The following CSMD3 variants were observed in gnomAD, a reference collection of about 807,000 sequenced individuals.
CSMD3 encodes the protein CUB and sushi domain-containing protein 3.
In CSMD3, 177 loss-of-function variants were observed where a neutral mutation model predicts 435.2. The ratio of observed to expected loss-of-function variants is 0.41; its 90% CI spans 0.36 to 0.46. The LOEUF is 0.46. Among genes scored for constraint, CSMD3 ranks in the 20% least tolerant of loss-of-function variants. The probability of loss-of-function intolerance (pLI) is 0.34; values close to 1 mark genes in which losing one functional copy is unlikely to be tolerated. For synonymous variants in CSMD3, 1,656 were observed against 1,520.5 expected (o/e 1.09, Z -2.07); for missense variants, 4,265 against 4,504.6 (o/e 0.95, Z 1.52).
chr8:113,173,946 C>G (rs189984821), intron 3 of CSMD3, 30 bp from the exon 4 acceptor site: 1 of 1,490,234 alleles, frequency 6.7e-7, no homozygotes, highest in East Asian at 2.3e-5. Context: ...GGAGAGTTTA[C>G]AGTTATTTCA....
intron 30 of CSMD3, among the ~76,000 whole-genome samples, chr8:112,497,464 T>C (rs903767070): frequency 7.4e-6 from 1 of 135,506 alleles, no homozygotes; most frequent in Admixed American, 7.5e-5. Flanking sequence ...TATCAAAATA[T>C]CTCATGTACT....
intron 22 of CSMD3, among the ~76,000 whole-genome samples, chr8:112,630,397 A>C (rs2074481954): frequency 6.6e-6 from 1 of 152,170 alleles, no homozygotes; most frequent in Non-Finnish European, 1.5e-5. Flanking sequence ...AGTAGGTTTT[A>C]AGCTTTTTAT....
chr8:112,325,114 C>T (rs145382184), intron 45 of CSMD3, among the ~76,000 whole-genome samples: 88 of 152,124 alleles, frequency 5.8e-4, no homozygotes, highest in East Asian at 2.5e-3. Flanking sequence ...AGGCATGTGG[C>T]CTATCATTCT....
At chr8:112,996,617 T>C (rs1454331655) in intron 6 of CSMD3, among the ~76,000 whole-genome samples, 2 of 151,636 alleles carry the variant, frequency 1.3e-5, no homozygotes, top group African/African-American at 4.8e-5. Flanking sequence ...CACTTAGATA[T>C]TTTGAAGAGA....
chr8:112,593,372 G>A (rs1236333151), intron 22 of CSMD3, among the ~76,000 whole-genome samples: 3 of 152,102 alleles, frequency 2.0e-5, no homozygotes, highest in Non-Finnish European at 4.4e-5. Flanking sequence ...TGGAGGAAGA[G>A]GAGATGCCAA....
intron 36 of CSMD3, among the ~76,000 whole-genome samples, chr8:112,385,755 T>G (rs550693879): frequency 6.6e-6 from 1 of 152,158 alleles, no homozygotes; most frequent in Non-Finnish European, 1.5e-5. Flanking sequence ...AATAATTTAT[T>G]TTCTTTTCTG....
chr8:113,220,838 T>G (rs1007025071), intron 3 of CSMD3, among the ~76,000 whole-genome samples: 1 of 151,550 alleles, frequency 6.6e-6, no homozygotes, highest in East Asian at 1.9e-4. Flanking sequence ...CTAAGGGATC[T>G]ATGTACACTA....
At chr8:113,236,721 C>T (rs1461078609) in intron 3 of CSMD3, among the ~76,000 whole-genome samples, 1 of 152,092 alleles carries the variant, frequency 6.6e-6, no homozygotes, top group East Asian at 1.9e-4. Context: ...ACACAATCAG[C>T]ATCCCAGCTT....
In CSMD3 at chr8:112,765,990, A is replaced by T. The variant is rs1048929840; in HGVS notation, c.1972+34172T>A. Among the ~76,000 whole-genome samples the T allele has an allele frequency of 2.0e-5, 3 of 151,646 alleles. No individual in the cohort carries two copies. The Admixed American group carries it at 2.0e-4, about 10-fold the overall frequency. ...AAGTGTTTAGTTTCTTTTATGCCTC[A>T]GAGCTAACCTTCCCCATACTGCTCT... On this transcript the variant is annotated intron_variant, in intron 13 of 70. Coordinates refer to ENST00000297405, the MANE Select transcript of CSMD3 (RefSeq NM_198123.2).
intron 1 of CSMD3, among the ~76,000 whole-genome samples, chr8:113,337,607 G>T (rs987871386): frequency 6.6e-6 from 1 of 152,038 alleles, no homozygotes; most frequent in East Asian, 1.9e-4. Flanking sequence ...GAAAGCACAA[G>T]AGAAAATTTA....
intron 1 of CSMD3, among the ~76,000 whole-genome samples, chr8:113,402,144 C>T (rs1405713175): frequency 6.6e-6 from 1 of 151,386 alleles, no homozygotes; most frequent in East Asian, 1.9e-4. Context: ...TTTATAACAT[C>T]TTTTGAGTCA....
chr8:112,800,205 C>T lies in CSMD3; in HGVS notation c.1929G>A (p.Thr643=), dbSNP rs892962663. 3.1e-6 allele frequency: 5 copies of T among 1,612,650 alleles called. No individual in the cohort carries two copies. Among genetic ancestry groups the T allele is most frequent in the Non-Finnish European group, 4.2e-6 (5 of 1,178,946 alleles). The part of the protein sequence containing the change: ...MSSQMWLHLQ[T]DESVGSVGFK... ...AACCAACAGATCCAACACTTTCGTC[C>T]GTTTGAAGGTGCAGCCACATTTGGC... Residue 643 remains threonine (T), a synonymous_variant, in exon 13 of 71, where the codon ACG becomes ACA. Transcript: ENST00000297405.
chr8:113,426,362 G>A (rs1246770485), intron 1 of CSMD3, among the ~76,000 whole-genome samples: 1 of 151,130 alleles, frequency 6.6e-6, no homozygotes, highest in Non-Finnish European at 1.5e-5. Flanking sequence ...TTGACTAAGT[G>A]GATAAACTTC....
chr8:112,787,442 A>G (rs904925694), intron 13 of CSMD3, among the ~76,000 whole-genome samples: 1 of 152,114 alleles, frequency 6.6e-6, no homozygotes, highest in Non-Finnish European at 1.5e-5. Context: ...CTAGGTATGT[A>G]CCCAAAAGAA....
At chr8:112,995,093 G>C (rs780753994) in intron 6 of CSMD3, among the ~76,000 whole-genome samples, 1 of 151,412 alleles carries the variant, frequency 6.6e-6, no homozygotes, top group Admixed American at 6.6e-5. Flanking sequence ...AAACATAATA[G>C]TTAATAAGGC....
chr8:112,508,938 A>C (rs752673304), intron 28 of CSMD3, among the ~76,000 whole-genome samples: 1 of 152,188 alleles, frequency 6.6e-6, no homozygotes, highest in Non-Finnish European at 1.5e-5. Flanking sequence ...AAAGGAGGAA[A>C]ATGTTTCTTA....
intron 16 of CSMD3, among the ~76,000 whole-genome samples, chr8:112,673,915 G>A (rs1185450589): frequency 6.6e-6 from 1 of 152,110 alleles, no homozygotes; most frequent in East Asian, 1.9e-4. Context: ...ACATTCTAAA[G>A]TTGGTGAAGC....
chr8:112,963,657 GA>G (rs2084315036), intron 7 of CSMD3, among the ~76,000 whole-genome samples: 1 of 151,858 alleles, frequency 6.6e-6, no homozygotes, highest in East Asian at 1.9e-4. Context: ...AGATAGAGTA[GA>G]TAAACAAAAT....
intron 4 of CSMD3, among the ~76,000 whole-genome samples, chr8:113,112,377 C>A (rs1277593369): frequency 3.0e-5 from 3 of 100,750 alleles, no homozygotes; most frequent in South Asian, 3.7e-4. Flanking sequence ...CACAACTGAC[C>A]CAATAAAACA....
Sources: allele counts gnomAD v4.1 joint callset (sites outside exome capture counted in the v4.1 genomes callset), GRCh38; gene constraint gnomAD v4.1.1; transcripts MANE v1.5; gene names NCBI Gene and HGNC (gene_info 2026-07-23, HGNC 2026-07-21).